STARD8: variants seen among roughly 807,000 people sequenced by gnomAD.
The protein encoded by STARD8 is StAR related lipid transfer domain containing 8.
In STARD8, 25 loss-of-function variants were observed where a neutral mutation model predicts 69.4. The ratio of observed to expected loss-of-function variants is 0.36; its 90% confidence interval spans 0.26 to 0.50. The LOEUF is 0.50. Ranked by LOEUF, STARD8 falls within the 20% of genes least tolerant of loss-of-function variation. The pLI, the probability that STARD8 is intolerant of heterozygous loss-of-function variation, is 0.96. For synonymous variants in STARD8, 389 were observed against 374.6 expected (o/e 1.04, Z -0.45); for missense variants, 921 against 932.5 (o/e 0.99, Z 0.16).
At chrX:68,663,158 T>G (rs2079661905) in intron 1 of STARD8, among the ~76,000 whole-genome samples, 1 of 112,007 alleles carries the variant, frequency 8.9e-6, no homozygotes, top group African/African-American at 3.2e-5. Flanking sequence ...GGCCTTCACT[T>G]TGTAGCAGAA....
chrX:68,674,128 T>C (rs533721848), intron 2 of STARD8, among the ~76,000 whole-genome samples: 3 of 110,201 alleles, frequency 2.7e-5, no homozygotes, highest in African/African-American at 9.9e-5. Flanking sequence ...ACCCCGTCTC[T>C]ACTAAAAATA....
chrX:68,679,826 G>A (rs2079789940), intron 2 of STARD8, among the ~76,000 whole-genome samples: 1 of 111,780 alleles, frequency 8.9e-6, no homozygotes, highest in Non-Finnish European at 1.9e-5. Context: ...CCTTCCGATT[G>A]GGCTCCTGGC....
At chrX:68,658,011 G>T (rs774859907) in intron 1 of STARD8, among the ~76,000 whole-genome samples, 1 of 110,775 alleles carries the variant, frequency 9.0e-6, no homozygotes, top group Admixed American at 9.6e-5. Flanking sequence ...CTATGGTGGA[G>T]GTTGGGGGAG....
At chrX:68,721,833 G>T in intron 10 of STARD8, 87 bp downstream of exon 10, 1 of 973,051 alleles carries the variant, frequency 1.0e-6, no homozygotes, top group Non-Finnish European at 1.4e-6. Context: ...GGCTGGCACT[G>T]CTGTGTCTCA....
chrX:68,653,201 ACACAC>A (rs1237152652), intron 1 of STARD8, among the ~76,000 whole-genome samples: 1 of 43,122 alleles, frequency 2.3e-5, no homozygotes, highest in Non-Finnish European at 4.1e-5. Flanking sequence ...CACATCACAC[ACACAC>A]CACACCACAC....
At chrX:68,665,457 C>G in intron 1 of STARD8, 42 bp from the exon 2 acceptor site, 2 of 1,187,851 alleles carry the variant, frequency 1.7e-6, no homozygotes, top group Non-Finnish European at 2.3e-6. Context: ...TCAGATATTG[C>G]ATCTCTGCAA....
At chrX:68,668,300 CTTCTTTT>C (rs2079705812) in intron 2 of STARD8, among the ~76,000 whole-genome samples, 1 of 72,096 alleles carries the variant, frequency 1.4e-5, no homozygotes, top group African/African-American at 5.9e-5. Context: ...TTCTTTCTTT[CTTCTTTT>C]TTTCTTTCCT....
chrX:68,669,943 C>T (rs1217148057), intron 2 of STARD8, among the ~76,000 whole-genome samples: 1 of 112,451 alleles, frequency 8.9e-6, no homozygotes, highest in Non-Finnish European at 1.9e-5. Context: ...ATGACCAAAT[C>T]ATTTTTATAA....
At chrX:68,655,873 T>C (rs1016491305) in intron 1 of STARD8, among the ~76,000 whole-genome samples, 2 of 112,008 alleles carry the variant, frequency 1.8e-5, no homozygotes, top group African/African-American at 3.2e-5. Flanking sequence ...AGATGATGTC[T>C]GTAAAAGCCT....
At chrX:68,708,008 A>G (rs1397806757) in intron 2 of STARD8, among the ~76,000 whole-genome samples, 1 of 111,875 alleles carries the variant, frequency 8.9e-6, no homozygotes, top group Non-Finnish European at 1.9e-5. Flanking sequence ...CCTCTTTTCA[A>G]CTGGTACACA....
Position 68,718,047 on chromosome X carries a change from A to T in STARD8, c.1133A>T (p.Asp378Val), listed in dbSNP as rs1201247410. The stretch of plus-strand genomic sequence containing the variant: ...GGGGCTGAGGCTGAAGATGAAGATG[A>T]TGAGGAGAGTGGGGGCAGCTATGCT... Reference protein sequence around the residue: ...MVGAEAEDEDDEESGGSYAHL... With the variant: ...MVGAEAEDEDVEESGGSYAHL... Residue 378 changes from aspartate (D) to valine (V), a missense_variant, in exon 6 of 15, where the codon GAT (aspartate) becomes GTT (valine). Asp to Val is a radical substitution (Grantham distance 152). Coordinates refer to ENST00000374599, the MANE Select transcript of STARD8 (RefSeq NM_001142503.3). 3 of 1,209,083 alleles carry T rather than the reference A, an allele frequency of 2.5e-6. No individual in the cohort carries two copies. The highest frequency in any genetic ancestry group is 3.4e-6 in the Non-Finnish European group (3 of 894,808).
At chrX:68,702,845 C>T (rs2079976579) in intron 2 of STARD8, among the ~76,000 whole-genome samples, 1 of 111,254 alleles carries the variant, frequency 9.0e-6, no homozygotes, top group South Asian at 3.9e-4. Flanking sequence ...AATAATGGCT[C>T]AGTACAAAGT....
At chrX:68,678,925 G>A (rs982059228) in intron 2 of STARD8, among the ~76,000 whole-genome samples, 9 of 112,400 alleles carry the variant, frequency 8.0e-5, no homozygotes, top group Non-Finnish European at 1.7e-4. Context: ...TTAGTTGTGT[G>A]ATCTTGGACA....
chrX:68,717,972 G>A lies in STARD8; in HGVS notation c.1058G>A (p.Ser353Asn), dbSNP rs773017717. 2.2e-5 allele frequency: 27 copies of A among 1,208,687 alleles called. No homozygotes were observed. The South Asian group carries it at 4.6e-4, about 21-fold the overall frequency. Residue 353 changes from serine (S) to asparagine (N), a missense_variant, in exon 6 of 15, where the codon AGC (serine) becomes AAC (asparagine). Transcript: ENST00000374599. ...TGTGGCTCAACGGGCAGCCATGCCAGCACGTATGACAACTTGCCTGAGCTG... is the reference window on the plus strand; with the variant it reads ...TGTGGCTCAACGGGCAGCCATGCCAACACGTATGACAACTTGCCTGAGCTG... ...GSCGSTGSHA[S>N]TYDNLPELYP...
At chrX:68,659,270 C>T (rs1175528803) in intron 1 of STARD8, among the ~76,000 whole-genome samples, 1 of 111,932 alleles carries the variant, frequency 8.9e-6, no homozygotes, top group Admixed American at 9.4e-5. Flanking sequence ...GGGCCCATAG[C>T]TTGGACTCTG....
intron 2 of STARD8, among the ~76,000 whole-genome samples, chrX:68,710,648 C>T (rs1189629329): frequency 8.9e-6 from 1 of 112,180 alleles, no homozygotes; most frequent in Non-Finnish European, 1.9e-5. Flanking sequence ...CCTCTCCTAC[C>T]CTCTCCATTA....
At chrX:68,673,807 A>G (rs761662889) in intron 2 of STARD8, among the ~76,000 whole-genome samples, 1 of 111,988 alleles carries the variant, frequency 8.9e-6, no homozygotes, top group Non-Finnish European at 1.9e-5. Context: ...TTTTAGTTTC[A>G]TGGAATAACA....
Position 68,701,319 on chromosome X carries a change from G to T in STARD8, c.80-11595G>T, listed in dbSNP as rs1283477456. ...CTTTTATTTAATAAACTTGCCCAAG[G>T]TCACATATCCGGGGAGTGATGGAGC... On this transcript the variant is annotated intron_variant, in intron 2 of 14. Transcript: ENST00000374599. 2.7e-5 allele frequency among the ~76,000 whole-genome samples: 3 copies of T among 112,950 alleles called. No individual in the cohort carries two copies. In the Admixed American group the frequency reaches 2.8e-4, roughly 11 times the overall value.
At chrX:68,666,724 A>G (rs2079685856) in intron 2 of STARD8, among the ~76,000 whole-genome samples, 1 of 112,149 alleles carries the variant, frequency 8.9e-6, no homozygotes, top group African/African-American at 3.2e-5. Flanking sequence ...TTTGATCAGC[A>G]TACAGCATAC....
Sources: allele counts gnomAD v4.1 joint callset (sites outside exome capture counted in the v4.1 genomes callset), GRCh38; gene constraint gnomAD v4.1.1; transcripts MANE v1.5; gene names NCBI Gene and HGNC (gene_info 2026-07-23, HGNC 2026-07-21).